The following BICDL1 variants were observed in gnomAD, a reference collection of about 807,000 sequenced individuals.
BICDL1 encodes the protein BICD family like cargo adaptor 1, also known as BICD family-like cargo adapter 1.
BICDL1 carries 20 observed loss-of-function variants against 76.8 expected under a neutral mutation model. The observed-to-expected ratio is 0.26, with a 90% CI of 0.18 to 0.38. The LOEUF (loss-of-function observed/expected upper bound fraction) is 0.38, where lower values mean the gene tolerates loss of function less well. BICDL1 is among the 10% of genes least tolerant of loss of function. The pLI is 1.00. For missense variants in BICDL1, 700 were observed against 798.6 expected, an observed-to-expected ratio of 0.88 and a Z score of 1.49; for synonymous variants, 383 against 337.1, an observed-to-expected ratio of 1.14 and a Z score of -1.49.
intron 7 of BICDL1, among the ~76,000 whole-genome samples, chr12:120,075,303 T>C (rs1873448395): frequency 6.6e-6 from 1 of 152,008 alleles, no homozygotes; most frequent in Non-Finnish European, 1.5e-5. Flanking sequence ...CTTTCCTGGC[T>C]CAAAGCTGTT....
intron 8 of BICDL1, 23 bp from the exon 9 acceptor site, chr12:120,089,928 C>A: frequency 6.2e-7 from 1 of 1,612,544 alleles, no homozygotes; most frequent in South Asian, 1.1e-5. Context: ...TGTCCATGTT[C>A]ACCCTGGCTT....
chr12:120,011,248 G>C (rs1434285904), intron 2 of BICDL1, among the ~76,000 whole-genome samples: 1 of 152,140 alleles, frequency 6.6e-6, no homozygotes, highest in Non-Finnish European at 1.5e-5. Context: ...CTCATTTGCT[G>C]GTCAGAGCTC....
Position 119,989,264 on chromosome 12 carries a change from C to T in BICDL1, c.-605C>T, listed in dbSNP as rs961656664. On this transcript the variant is annotated 5_prime_UTR_variant, in exon 1 of 10. Coordinates refer to ENST00000548673, the MANE Select transcript of BICDL1 (RefSeq NM_001367886.1). ...AAGGAGCTCGCCGGGTTGCGCGGCG[C>T]GCGATGTGGAGCCGCCGCCTCGGCC... Among the ~76,000 whole-genome samples, 26 of 150,158 alleles carry T rather than the reference C, an allele frequency of 1.7e-4. 1 individual carries two copies. Among genetic ancestry groups the T allele is most frequent in the Admixed American group, 1.1e-3 (17 of 15,144 alleles).
chr12:120,069,094 A>G (rs1872891115), intron 4 of BICDL1, among the ~76,000 whole-genome samples: 1 of 152,154 alleles, frequency 6.6e-6, no homozygotes, highest in Admixed American at 6.5e-5. Flanking sequence ...TGGCTGTGCT[A>G]GCTCTAAAAA....
intron 2 of BICDL1, among the ~76,000 whole-genome samples, chr12:120,001,032 TTTTG>T (rs1439104691): frequency 6.6e-6 from 1 of 152,124 alleles, no homozygotes; most frequent in Non-Finnish European, 1.5e-5. Context: ...AGATCTAGAT[TTTTG>T]TTATCCTTTC....
chr12:120,061,878 G>T, intron 3 of BICDL1, 52 bp downstream of exon 3: 2 of 1,376,398 alleles, frequency 1.5e-6, no homozygotes, highest in Non-Finnish European at 2.1e-6. Flanking sequence ...TTCTCACTGG[G>T]AGACAAAAAA....
chr12:120,024,460 T>TA lies in BICDL1; in HGVS notation c.645+25731dup, dbSNP rs958787425. On this transcript the variant is annotated intron_variant, in intron 2 of 9. Transcript: ENST00000548673. ...TTATCCACAATGAAACACAGAAAAG[T>TA]AAAAAAACATCTAGCAGTGAGCTGT... Among the ~76,000 whole-genome samples the TA allele has an allele frequency of 8.5e-5, 13 of 152,178 alleles. No homozygotes were observed. The Middle Eastern group carries it at 0.01, about 119-fold the overall frequency.
intron 8 of BICDL1, among the ~76,000 whole-genome samples, chr12:120,082,556 C>G (rs956091162): frequency 2.7e-5 from 4 of 150,514 alleles, no homozygotes; most frequent in Admixed American, 2.0e-4. Flanking sequence ...GCCCAGCCAA[C>G]TAGGTCTTTT....
chr12:120,094,473 G>T lies in BICDL1; in HGVS notation c.*1312G>T. 9.9e-6 allele frequency: 3 copies of T among 303,430 alleles called. No individual in the cohort carries two copies. The highest frequency in any genetic ancestry group is 8.4e-5 in the South Asian group (3 of 35,698). 18.8% of individuals were successfully genotyped at this position (303,430 alleles called of 1,614,324 possible). A position where few individuals can be genotyped will look rare whatever the true frequency, so the allele number is the denominator to read the frequency against. ...CTTCTTTTGAAAATAGTCTGAATAAGAATAAAATGAATTTCTACAGAGCTT... is the reference window on the plus strand; with the variant it reads ...CTTCTTTTGAAAATAGTCTGAATAATAATAAAATGAATTTCTACAGAGCTT... On this transcript the variant is annotated 3_prime_UTR_variant, in exon 10 of 10. Transcript: ENST00000548673.
intron 2 of BICDL1, among the ~76,000 whole-genome samples, chr12:120,013,877 T>C (rs1952008680): frequency 6.6e-6 from 1 of 152,200 alleles, no homozygotes; most frequent in Non-Finnish European, 1.5e-5. Context: ...CTAATTTGAC[T>C]TTAGATTTCT....
chr12:120,072,203 T>C (rs1873162298), intron 5 of BICDL1, among the ~76,000 whole-genome samples: 1 of 152,208 alleles, frequency 6.6e-6, no homozygotes. Context: ...ACAGAACCAT[T>C]CATTCCCCTG....
At chr12:120,065,010 G>A (rs1566254608) in intron 4 of BICDL1, 131 bp downstream of exon 4, 5 of 1,024,030 alleles carry the variant, frequency 4.9e-6, no homozygotes, top group Non-Finnish European at 7.1e-6. Context: ...AGGTCTCGCT[G>A]TGGGGCCTGG....
intron 8 of BICDL1, among the ~76,000 whole-genome samples, chr12:120,088,457 A>G (rs1472067159): frequency 1.4e-5 from 2 of 146,180 alleles, no homozygotes; most frequent in African/African-American, 5.1e-5. Flanking sequence ...CCCAGGTTCA[A>G]GCGATTCTCC....
chr12:120,073,559 G>T (rs961701399), intron 6 of BICDL1, among the ~76,000 whole-genome samples: 1 of 152,200 alleles, frequency 6.6e-6, no homozygotes, highest in African/African-American at 2.4e-5. Context: ...GACTGTTCCC[G>T]TGGGCATCCT....
rs369210438 is a variant in BICDL1 at position 120,072,657 on chromosome 12, C to T, written c.1236C>T (p.Ala412=). 45 of 1,614,016 alleles carry T rather than the reference C, an allele frequency of 2.8e-5. No individual in the cohort carries two copies. The East Asian group carries it at 7.6e-4, about 27-fold the overall frequency. ...CCTCGTCCGCCAAGGATGTGCCAGCCGGCAGCTTGCGCACTGCCCTCAATG... is the reference window on the plus strand; with the variant it reads ...CCTCGTCCGCCAAGGATGTGCCAGCTGGCAGCTTGCGCACTGCCCTCAATG... ...SETSSAKDVP[A]GSLRTALNEL... is the part of the protein sequence containing the mutation. Residue 412 remains alanine (A), a synonymous_variant, in exon 6 of 10, where the codon GCC becomes GCT. Transcript: ENST00000548673.
At chr12:120,060,904 A>G (rs893907616) in intron 2 of BICDL1, among the ~76,000 whole-genome samples, 2 of 152,140 alleles carry the variant, frequency 1.3e-5, no homozygotes, top group East Asian at 1.9e-4. Context: ...GAGAGAACCC[A>G]TAAAGCTTAC....
intron 2 of BICDL1, among the ~76,000 whole-genome samples, chr12:120,048,616 C>T (rs1251255217): frequency 6.6e-6 from 1 of 152,186 alleles, no homozygotes; most frequent in Non-Finnish European, 1.5e-5. Context: ...CCCTTACTCA[C>T]TCTGTGACCA....
At chr12:120,091,681 G>C in intron 9 of BICDL1, 4 of 985,286 alleles carry the variant, frequency 4.1e-6, no homozygotes, top group African/African-American at 1.7e-5. Flanking sequence ...AGCAGGCCCT[G>C]AGCCAGAGCG....
chr12:120,086,605 T>C (rs1874436826), intron 8 of BICDL1, among the ~76,000 whole-genome samples: 1 of 152,234 alleles, frequency 6.6e-6, no homozygotes, highest in South Asian at 2.1e-4. Context: ...AACCTTAAGG[T>C]GCACCTTCTC....
Sources: allele counts gnomAD v4.1 joint callset (sites outside exome capture counted in the v4.1 genomes callset), GRCh38; gene constraint gnomAD v4.1.1; transcripts MANE v1.5; gene names NCBI Gene and HGNC (gene_info 2026-07-23, HGNC 2026-07-21).